Variants in ATP6V0A4 observed in about 807,000 individuals in gnomAD.
ATP6V0A4 encodes ATPase H+ transporting V0 subunit a4, also known as V-type proton ATPase 116 kDa subunit a 4.
A neutral mutation model predicts 107.3 loss-of-function variants in ATP6V0A4; 86 were observed. That is an observed-to-expected ratio of 0.80 (90% CI 0.67 to 0.96). The LOEUF (loss-of-function observed/expected upper bound fraction) is 0.96. Among genes scored for constraint, ATP6V0A4 ranks in the 40% least tolerant of loss-of-function variants. The pLI is 0.00. For missense variants in ATP6V0A4, 908 were observed against 1,045.6 expected, an observed-to-expected ratio of 0.87 and a Z score of 1.81; for synonymous variants, 353 against 381.4, an observed-to-expected ratio of 0.93 and a Z score of 0.87.
At chr7:138,789,207 A>G (rs1808291640) in intron 1 of ATP6V0A4, among the ~76,000 whole-genome samples, 1 of 110,726 alleles carries the variant, frequency 9.0e-6, no homozygotes, top group African/African-American at 3.6e-5. Flanking sequence ...CTTAAAGGTT[A>G]AGGTTTTTTG....
intron 11 of ATP6V0A4, among the ~76,000 whole-genome samples, chr7:138,749,954 G>A (rs999172293): frequency 6.6e-6 from 1 of 152,098 alleles, no homozygotes; most frequent in African/African-American, 2.4e-5. Context: ...CTAGCTCCAA[G>A]CCTCAGCATC....
In ATP6V0A4 at chr7:138,706,757, T is replaced by C. The variant is rs200496062; in HGVS notation, c.2430-40A>G. The C allele has an allele frequency of 2.9e-5, 46 of 1,609,588 alleles. No homozygotes were observed. In the African/African-American group the frequency reaches 4.3e-4, roughly 15 times the overall value. On this transcript the variant is annotated intron_variant, in intron 21 of 21. Transcript: ENST00000310018. The stretch of plus-strand genomic sequence containing the variant: ...AGGCCGTGGGGTAAGAAATGGGAGA[T>C]TGAAACACATCAGTTAGAGGCTGGA...
chr7:138,779,398 T>C (rs957770186), intron 2 of ATP6V0A4, among the ~76,000 whole-genome samples: 1 of 151,754 alleles, frequency 6.6e-6, no homozygotes, highest in Non-Finnish European at 1.5e-5. Flanking sequence ...AGGATAGACA[T>C]ATAGATGGAA....
At position 138,756,516 on chromosome 7, in the gene ATP6V0A4, A is replaced by G; in HGVS notation, c.664T>C (p.Phe222Leu). The G allele has an allele frequency of 1.2e-6, 2 of 1,606,562 alleles. No homozygotes were observed. The highest frequency in any genetic ancestry group is 8.5e-7 in the Non-Finnish European group (1 of 1,175,980). Residue 222 changes from phenylalanine to leucine, a missense_variant, in exon 9 of 22, where the codon TTC (phenylalanine) becomes CTC (leucine). By Grantham distance (22) the Phe-to-Leu change is conservative (BLOSUM62 0). Coordinates refer to ENST00000310018, the MANE Select transcript of ATP6V0A4 (RefSeq NM_020632.3). ...VTKEEIQKNI[F>L]IIFYQGEQLR... is the part of the protein sequence containing the mutation. ...TGCTCTCCTTGGTAAAATATGATGA[A>G]TATGTTCTTCTGAATTTCTTCTTTC...
At chr7:138,785,483 G>A (rs1179310992) in intron 2 of ATP6V0A4, among the ~76,000 whole-genome samples, 2 of 151,790 alleles carry the variant, frequency 1.3e-5, no homozygotes, top group Non-Finnish European at 2.9e-5. Context: ...CACCATGTTG[G>A]CCAGGCTGGT....
At chr7:138,789,968 CAAAAAAAAAAAA>C (rs34413519) in intron 1 of ATP6V0A4, among the ~76,000 whole-genome samples, 3 of 126,740 alleles carry the variant, frequency 2.4e-5, no homozygotes, top group Admixed American at 7.9e-5. Context: ...GACTCTGTCT[CAAAAAAAAAAAA>C]AAAAAAAAAA....
intron 21 of ATP6V0A4, among the ~76,000 whole-genome samples, chr7:138,707,310 T>TTATTTATATTTA (rs71179727): frequency 2.5e-4 from 22 of 88,952 alleles, no homozygotes; most frequent in African/African-American, 6.4e-4. Flanking sequence ...ATATTTATAT[T>TTATTTATATTTA]TATTTATATT....
chr7:138,785,157 CA>C (rs1241876353), intron 2 of ATP6V0A4, among the ~76,000 whole-genome samples: 3 of 152,120 alleles, frequency 2.0e-5, no homozygotes, highest in Non-Finnish European at 4.4e-5. Context: ...GGAAAAGTAA[CA>C]ATCTGACTTT....
chr7:138,747,262 A>G (rs1805995321), intron 13 of ATP6V0A4, among the ~76,000 whole-genome samples, 163 bp downstream of exon 13: 1 of 152,186 alleles, frequency 6.6e-6, no homozygotes, highest in South Asian at 2.1e-4. Flanking sequence ...AAACCATCCA[A>G]AGGAATTACC....
At chr7:138,757,467 G>C (rs981882985) in intron 8 of ATP6V0A4, among the ~76,000 whole-genome samples, 1 of 152,098 alleles carries the variant, frequency 6.6e-6, no homozygotes, top group Non-Finnish European at 1.5e-5. Context: ...AGTGAGTCAT[G>C]ATCATACTAC....
At chr7:138,737,579 CTTTTTTTT>C (rs373540257) in intron 15 of ATP6V0A4, among the ~76,000 whole-genome samples, 2 of 134,644 alleles carry the variant, frequency 1.5e-5, no homozygotes, top group Admixed American at 1.5e-4. Flanking sequence ...TTTTCTTTTT[CTTTTTTTT>C]TTTTTTTTTT....
chr7:138,741,699 C>T (rs1805642326), intron 14 of ATP6V0A4, among the ~76,000 whole-genome samples: 1 of 152,230 alleles, frequency 6.6e-6, no homozygotes, highest in Non-Finnish European at 1.5e-5. Context: ...CTAATACCCT[C>T]TTAATAGAGA....
intron 4 of ATP6V0A4, 132 bp downstream of exon 4, chr7:138,769,041 G>T: frequency 6.4e-7 from 1 of 1,566,220 alleles, no homozygotes; most frequent in Non-Finnish European, 8.7e-7. Context: ...ATTCCCTCCA[G>T]GTGGGCCTCT....
intron 15 of ATP6V0A4, 147 bp downstream of exon 15, chr7:138,739,393 A>G (rs1483464352): frequency 5.1e-6 from 5 of 982,630 alleles, no homozygotes; most frequent in African/African-American, 3.3e-5. Flanking sequence ...CTCTGGCTCT[A>G]TGTGTCACAA....
intron 17 of ATP6V0A4, among the ~76,000 whole-genome samples, chr7:138,730,008 C>T (rs1804908743): frequency 6.6e-6 from 1 of 152,196 alleles, no homozygotes; most frequent in Non-Finnish European, 1.5e-5. Flanking sequence ...CTCAGCCTCC[C>T]AAGTAGCTGG....
intron 10 of ATP6V0A4, among the ~76,000 whole-genome samples, chr7:138,754,389 G>A (rs946662741): frequency 2.7e-5 from 4 of 150,252 alleles, no homozygotes; most frequent in East Asian, 2.0e-4. Flanking sequence ...CGGAGGTTGC[G>A]GTGAGCCGAG....
At position 138,732,991 on chromosome 7, in the gene ATP6V0A4, C is replaced by T. The variant is rs1805101760; in HGVS notation, c.1794G>A (p.Trp598Ter). The T allele has an allele frequency of 6.2e-7, 1 of 1,613,820 alleles. No individual in the cohort carries two copies. Among genetic ancestry groups the T allele is most frequent in the Non-Finnish European group, 8.5e-7 (1 of 1,179,930 alleles). Residue 598 changes from tryptophan (W) to a stop codon, truncating the protein, a stop_gained, in exon 17 of 22, where the codon TGG (tryptophan) becomes TGA (stop). Coordinates refer to ENST00000310018, the MANE Select transcript of ATP6V0A4 (RefSeq NM_020632.3). LOFTEE classifies it high-confidence loss of function. ...GYLVFMIIFK[W>*]CCFDVHVSQH... ...GAGATACATGGACGTCAAAGCAGCA[C>T]CATTTGAAAATGATCATGAAAACCA...
chr7:138,770,063 C>CA (rs1331999536), intron 3 of ATP6V0A4, among the ~76,000 whole-genome samples: 3 of 151,186 alleles, frequency 2.0e-5, no homozygotes, highest in East Asian at 1.9e-4. Flanking sequence ...ACAACAACAA[C>CA]AAAAAAAATT....
In ATP6V0A4 at chr7:138,768,786, G is replaced by C; in HGVS notation, c.285C>G (p.Thr95=). 6.2e-7 allele frequency: 1 copy of C among 1,614,144 alleles called. No homozygotes were observed. The highest frequency in any genetic ancestry group is 8.5e-7 in the Non-Finnish European group (1 of 1,180,026). ...PLTPLPREMI[T]LETVLEKLEG... ...AGCAAAGTGGAGAACTTACCTCCAG[G>C]GTAATCATTTCCCGTGGGAGCGGGG... Residue 95 remains threonine, a synonymous_variant, in exon 5 of 22, where the codon ACC becomes ACG. Coordinates refer to ENST00000310018, the MANE Select transcript of ATP6V0A4 (RefSeq NM_020632.3).
Sources: allele counts gnomAD v4.1 joint callset (sites outside exome capture counted in the v4.1 genomes callset), GRCh38; gene constraint gnomAD v4.1.1; transcripts MANE v1.5; gene names NCBI Gene and HGNC (gene_info 2026-07-23, HGNC 2026-07-21).